Variants in ABL2 observed in about 807,000 individuals in gnomAD.
The protein encoded by ABL2 is ABL proto-oncogene 2, non-receptor tyrosine kinase.
Under a neutral mutation model 107.7 loss-of-function variants are expected in ABL2, and 49 were observed. That is an observed-to-expected ratio of 0.45 (90% confidence interval 0.36 to 0.58). The LOEUF (loss-of-function observed/expected upper bound fraction) is 0.58, where lower values mean the gene tolerates loss of function less well. Among genes scored for constraint, ABL2 ranks in the 20% least tolerant of loss-of-function variants. The pLI, the probability that ABL2 is intolerant of heterozygous loss-of-function variation, is 0.00. For missense variants in ABL2, 1,245 were observed against 1,457.0 expected (o/e 0.85, Z 2.37); for synonymous variants, 549 against 548.6 (o/e 1.00, Z -0.01).
intron 1 of ABL2, among the ~76,000 whole-genome samples, chr1:179,194,723 G>A (rs1371564411): frequency 2.0e-5 from 3 of 152,082 alleles, no homozygotes; most frequent in Non-Finnish European, 4.4e-5. Flanking sequence ...AATAAATGTT[G>A]TTTGTTTTAA....
rs369462595 is a variant in ABL2 at position 179,227,890 on chromosome 1, A to C, written c.157+1351T>G. 4.2e-4 allele frequency among the ~76,000 whole-genome samples: 64 copies of C among 151,924 alleles called. No individual in the cohort carries two copies. The East Asian group carries it at 0.01, about 24-fold the overall frequency. On this transcript the variant is annotated intron_variant, in intron 1 of 11. Coordinates refer to ENST00000502732, the MANE Select transcript of ABL2 (RefSeq NM_007314.4). ...ACATAGAGAAACCCCACCCTACTAA[A>C]AACACAAAAAATTAGCCGGGTGTGG...
intron 1 of ABL2, chr1:179,196,350 C>T (rs1489569220): frequency 6.6e-6 from 1 of 152,200 alleles, no homozygotes; most frequent in Non-Finnish European, 1.5e-5. Flanking sequence ...GCTACTTATG[C>T]CCAAGTTTTA....
chr1:179,214,724 A>G (rs1662468634), intron 1 of ABL2, among the ~76,000 whole-genome samples: 1 of 151,994 alleles, frequency 6.6e-6, no homozygotes, highest in African/African-American at 2.4e-5. Context: ...AAGATATTTA[A>G]ATATTCTTAT....
At chr1:179,178,022 A>C in intron 1 of ABL2, among the ~76,000 whole-genome samples, 1 of 152,246 alleles carries the variant, frequency 6.6e-6, no homozygotes, top group Middle Eastern at 3.2e-3. Context: ...ATATAATTAC[A>C]TAAAATGGAA....
intron 4 of ABL2, among the ~76,000 whole-genome samples, chr1:179,124,066 A>G (rs1286959298): frequency 6.6e-6 from 1 of 151,900 alleles, no homozygotes; most frequent in African/African-American, 2.4e-5. Flanking sequence ...ATGGTGAAAC[A>G]CCGTCTCTAC....
intron 10 of ABL2, 124 bp downstream of exon 10, chr1:179,112,185 T>C (rs1221137866): frequency 2.7e-6 from 2 of 750,832 alleles, no homozygotes; most frequent in East Asian, 5.4e-5. Flanking sequence ...TCCTTGTAGT[T>C]AAAAGTTGAA....
At position 179,110,468 on chromosome 1, in the gene ABL2, C is replaced by T. The variant is rs914805519; in HGVS notation, c.1652-13G>A. 6.3e-7 allele frequency: 1 copy of T among 1,586,810 alleles called. No homozygotes were observed. The highest frequency in any genetic ancestry group is 2.2e-5 in the East Asian group (1 of 44,718). On this transcript the variant is annotated splice_polypyrimidine_tract_variant and intron_variant, in intron 10 of 11. Coordinates refer to ENST00000502732, the MANE Select transcript of ABL2 (RefSeq NM_007314.4). Reference sequence around the variant, plus strand: ...TCCTCAGCTACCTCTGTGAGGAAGACAAGGGGACCAATAAAAAGAACAATT... The same window carrying T: ...TCCTCAGCTACCTCTGTGAGGAAGATAAGGGGACCAATAAAAAGAACAATT...
intron 1 of ABL2, among the ~76,000 whole-genome samples, chr1:179,223,534 T>C (rs1483123795): frequency 6.6e-6 from 1 of 152,070 alleles, no homozygotes; most frequent in Non-Finnish European, 1.5e-5. Flanking sequence ...AAGTGGGCTA[T>C]GAGAACAGAA....
intron 1 of ABL2, among the ~76,000 whole-genome samples, chr1:179,160,111 C>A (rs748478049): frequency 5.9e-4 from 90 of 152,220 alleles, no homozygotes; most frequent in Non-Finnish European, 1.1e-3. Flanking sequence ...GAGACTCCAC[C>A]TCAAGAACCA....
At chr1:179,228,031 C>T (rs1663321207) in intron 1 of ABL2, among the ~76,000 whole-genome samples, 1 of 109,390 alleles carries the variant, frequency 9.1e-6, no homozygotes. Flanking sequence ...GCCTGGGCGA[C>T]AGAATGAGAC....
intron 1 of ABL2, among the ~76,000 whole-genome samples, chr1:179,144,005 A>G (rs982671931): frequency 7.2e-5 from 11 of 152,176 alleles, no homozygotes; most frequent in Admixed American, 5.2e-4. Context: ...CTGAGTGTTA[A>G]AAGTTTTTAA....
At chr1:179,186,339 G>A (rs1003042513) in intron 1 of ABL2, among the ~76,000 whole-genome samples, 8 of 152,164 alleles carry the variant, frequency 5.3e-5, no homozygotes, top group South Asian at 4.1e-4. Flanking sequence ...CTTTTTGAGC[G>A]TGTGTGTTTG....
chr1:179,174,541 T>G (rs1477311161), intron 1 of ABL2, among the ~76,000 whole-genome samples: 1 of 152,072 alleles, frequency 6.6e-6, no homozygotes, highest in African/African-American at 2.4e-5. Context: ...TGTGTGTGTA[T>G]ACATATATAT....
chr1:179,126,448 G>A lies in ABL2; in HGVS notation c.616C>T (p.Gln206Ter). 6.2e-7 allele frequency: 1 copy of A among 1,614,200 alleles called. No individual in the cohort carries two copies. The highest frequency in any genetic ancestry group is 8.5e-7 in the Non-Finnish European group (1 of 1,180,046). ...LVRESESSPG[Q>*]LSISLRYEGR... ...TCGTACCTGAGCGAGATGGACAGCT[G>A]CCCAGGGCTACTCTCACTTTCTCGC... Residue 206 changes from glutamine (Q) to a stop codon, truncating the protein, a stop_gained, in exon 4 of 12, where the codon CAG becomes TAG. Transcript: ENST00000502732. LOFTEE classifies it high-confidence loss of function. This position sits in a 1 kb window ranked among gnomAD's most constrained non-coding sequence, Gnocchi z 4.4.
chr1:179,185,743 T>C (rs1458503480), intron 1 of ABL2, among the ~76,000 whole-genome samples: 2 of 152,126 alleles, frequency 1.3e-5, no homozygotes, highest in African/African-American at 4.8e-5. Flanking sequence ...ATAGCAATAA[T>C]AAAAACCCAT....
At position 179,228,340 on chromosome 1, in the gene ABL2, C is replaced by CT. The variant is rs148364963; in HGVS notation, c.157+900dup. Reference sequence around the variant, plus strand: ...CCATCATGGGGACCAAAGCGAGACTCTGTCTCAAAAAAAACAAAAACAAAA... The same window carrying CT: ...CCATCATGGGGACCAAAGCGAGACTCTTGTCTCAAAAAAAACAAAAACAAAA... On this transcript the variant is annotated intron_variant, in intron 1 of 11. Transcript: ENST00000502732. Among the ~76,000 whole-genome samples, 1,282 of 151,910 alleles carry CT rather than the reference C, an allele frequency of 8.4e-3. 45 individuals carry two copies. The highest frequency in any genetic ancestry group is 0.057 in the Admixed American group (869 of 15,260).
chr1:179,166,195 A>G (rs1168202054), intron 1 of ABL2, among the ~76,000 whole-genome samples: 1 of 152,166 alleles, frequency 6.6e-6, no homozygotes, highest in Non-Finnish European at 1.5e-5. Flanking sequence ...CAAAGATTTT[A>G]TGGCTAAGAC....
At chr1:179,182,646 T>C (rs1448329851) in intron 1 of ABL2, among the ~76,000 whole-genome samples, 3 of 152,216 alleles carry the variant, frequency 2.0e-5, no homozygotes, top group African/African-American at 7.2e-5. Context: ...TATACAGATA[T>C]CACATTTTCT....
At chr1:179,208,853 T>C (rs1158687800) in intron 1 of ABL2, among the ~76,000 whole-genome samples, 1 of 152,244 alleles carries the variant, frequency 6.6e-6, no homozygotes, top group Non-Finnish European at 1.5e-5. Context: ...TATGCCTTGT[T>C]CTGAAAACTG....
Sources: allele counts gnomAD v4.1 joint callset (sites outside exome capture counted in the v4.1 genomes callset), GRCh38; gene constraint gnomAD v4.1.1; non-coding constraint Gnocchi (gnomAD v3.1); transcripts MANE v1.5; gene names NCBI Gene and HGNC (gene_info 2026-07-23, HGNC 2026-07-21).